The following PUDP variants were observed in gnomAD, a reference collection of about 807,000 sequenced individuals.
PUDP encodes the protein pseudouridine-5'-phosphatase.
PUDP carries 8 observed loss-of-function variants against 9.4 expected under a neutral mutation model. The observed-to-expected ratio is 0.85, with a 90% CI of 0.50 to 1.53. The LOEUF (loss-of-function observed/expected upper bound fraction) is 1.53, where lower values mean the gene tolerates loss of function less well. Among genes scored for constraint, PUDP ranks in the 40% most tolerant of loss-of-function variants. The pLI is 0.00. For synonymous variants in PUDP, 99 were observed against 80.7 expected, an observed-to-expected ratio of 1.23 and a Z score of -1.22; for missense variants, 188 against 189.7, an observed-to-expected ratio of 0.99 and a Z score of 0.05.
At chrX:6,727,078 T>G (rs1315350697) in intron 3 of PUDP, among the ~76,000 whole-genome samples, 1 of 111,717 alleles carries the variant, frequency 9.0e-6, no homozygotes, top group Non-Finnish European at 1.9e-5. Flanking sequence ...TTGAAAATTT[T>G]TTCTTGGGAA....
At chrX:7,045,016 C>T (rs1014063426), downstream of PUDP, among the ~76,000 whole-genome samples, 29 of 112,034 alleles carry the variant, frequency 2.6e-4, 1 homozygote, top group African/African-American at 7.4e-4. Flanking sequence ...CCTGTGGTTT[C>T]GCTCTGTGTC....
At chrX:6,814,249 C>T (rs977880289) in intron 3 of PUDP, among the ~76,000 whole-genome samples, 4 of 111,388 alleles carry the variant, frequency 3.6e-5, no homozygotes, top group African/African-American at 1.3e-4. Context: ...AACATTTTAT[C>T]TGAAACCCTA....
chrX:6,967,906 C>A (rs1476129079), intron 3 of PUDP, among the ~76,000 whole-genome samples: 1 of 112,337 alleles, frequency 8.9e-6, no homozygotes, highest in African/African-American at 3.2e-5. Flanking sequence ...GAGGGTCCCA[C>A]CTCACACCCA....
chrX:6,968,444 G>A (rs765809524), intron 3 of PUDP, among the ~76,000 whole-genome samples: 38 of 111,278 alleles, frequency 3.4e-4, no homozygotes, highest in African/African-American at 1.1e-3. Flanking sequence ...CTGTGGGTCT[G>A]GGGCAGGGGG....
rs556760220 is a variant in PUDP, at chrX:6,918,445, T to C, written c.*247+58688A>G. ...AAGTGAAAATCATCTATCATGAGCT[T>C]TTCTTTGAAATACAAAAAAAAAAAC... On this transcript the variant is annotated intron_variant and NMD_transcript_variant, in intron 3 of 3. Transcript: ENST00000655425. 2.4e-4 allele frequency among the ~76,000 whole-genome samples: 25 copies of C among 104,760 alleles called. No homozygotes were observed. In the South Asian group the frequency reaches 7.3e-3, roughly 31 times the overall value. The allele number at this position is 104,760 out of a possible 115,157, so 91.0% of individuals were successfully genotyped here.
At chrX:6,985,544 T>C (rs1929092137) in intron 1 of PUDP, among the ~76,000 whole-genome samples, 1 of 111,288 alleles carries the variant, frequency 9.0e-6, no homozygotes, top group Non-Finnish European at 1.9e-5. Context: ...CTTCATGCTT[T>C]AAGGCCCAGG....
rs1241172531 is a variant in PUDP, at chrX:6,752,768, C to A, written c.*248-46302G>T. Reference sequence around the variant, plus strand: ...CTGAGATAAGAAACTGAAGGAGAAACTAGGAAGAAGAGGGAAAAGATATTA... The same window carrying A: ...CTGAGATAAGAAACTGAAGGAGAAAATAGGAAGAAGAGGGAAAAGATATTA... On this transcript the variant is annotated intron_variant and NMD_transcript_variant, in intron 3 of 3. Transcript: ENST00000655425. 5.4e-5 allele frequency among the ~76,000 whole-genome samples: 6 copies of A among 110,894 alleles called. No individual in the cohort carries two copies. The East Asian group carries it at 1.7e-3, about 31-fold the overall frequency.
chrX:6,923,848 G>A, intron 3 of PUDP, among the ~76,000 whole-genome samples: 1 of 111,331 alleles, frequency 9.0e-6, no homozygotes, highest in Non-Finnish European at 1.9e-5. Context: ...TGACTCTCAA[G>A]GTCATGCACC....
chrX:7,071,328 T>C (rs1212016479), intron 3 of PUDP, among the ~76,000 whole-genome samples: 1 of 111,472 alleles, frequency 9.0e-6, no homozygotes, highest in Non-Finnish European at 1.9e-5. Context: ...CACCTGGCAC[T>C]TCCTCCTCCC....
intron 1 of PUDP, among the ~76,000 whole-genome samples, chrX:7,129,702 A>G (rs186603185): frequency 4.3e-4 from 48 of 112,262 alleles, no homozygotes; most frequent in Non-Finnish European, 8.3e-4. Flanking sequence ...AACTCTCTGA[A>G]CTTTTATCTT....
chrX:6,753,822 T>G (rs1925136970), intron 3 of PUDP, among the ~76,000 whole-genome samples: 1 of 111,885 alleles, frequency 8.9e-6, no homozygotes, highest in African/African-American at 3.2e-5. Context: ...GATGGAATTG[T>G]TCGTTTTTTT....
intron 1 of PUDP, among the ~76,000 whole-genome samples, chrX:7,002,054 G>A (rs11795952): frequency 0.17 from 18,904 of 110,955 alleles, 1,527 homozygotes; most frequent in Admixed American, 0.32. Context: ...TTTGCAACAC[G>A]TAAGTCACCA....
At chrX:7,139,218 C>T (rs905773436) in intron 1 of PUDP, among the ~76,000 whole-genome samples, 1 of 112,266 alleles carries the variant, frequency 8.9e-6, no homozygotes, top group Admixed American at 9.4e-5. Context: ...CTTTGTAACA[C>T]CCAGCAGAGT....
chrX:7,075,719 G>A (rs1930875905), intron 3 of PUDP, among the ~76,000 whole-genome samples: 1 of 111,508 alleles, frequency 9.0e-6, no homozygotes, highest in Non-Finnish European at 1.9e-5. Flanking sequence ...AGGGTCAGGT[G>A]CCCAGAGAGG....
At position 7,132,870 on chromosome X, in the gene PUDP, C is replaced by A. The variant is rs778787183; in HGVS notation, c.61+15183G>T. 3.6e-5 allele frequency among the ~76,000 whole-genome samples: 4 copies of A among 111,981 alleles called. No homozygotes were observed. The South Asian group carries it at 1.5e-3, about 42-fold the overall frequency. ...CACCCTCATGAGCATCAAAACCCCA[C>A]AGCCACCACTGATCTCACTGCAGGT... On this transcript the variant is annotated intron_variant, in intron 1 of 3. Transcript: ENST00000381077.
intron 3 of PUDP, among the ~76,000 whole-genome samples, chrX:6,772,129 G>A (rs1205202643): frequency 8.9e-6 from 1 of 112,016 alleles, no homozygotes; most frequent in Non-Finnish European, 1.9e-5. Flanking sequence ...TAATCACAGT[G>A]CACATCACTC....
intron 3 of PUDP, among the ~76,000 whole-genome samples, chrX:7,070,344 G>A (rs891391474): frequency 9.0e-6 from 1 of 111,660 alleles, no homozygotes; most frequent in African/African-American, 3.3e-5. Flanking sequence ...TTTGTTCAGC[G>A]ATGATGGGTG....
At chrX:6,901,459 C>T (rs1457690469) in intron 3 of PUDP, among the ~76,000 whole-genome samples, 1 of 112,249 alleles carries the variant, frequency 8.9e-6, no homozygotes, top group Non-Finnish European at 1.9e-5. Flanking sequence ...CACTCCTTAC[C>T]TTGCTATCTT....
At chrX:7,100,375 GGTTCGGCT>G (rs1931697117) in intron 2 of PUDP, among the ~76,000 whole-genome samples, 1 of 111,159 alleles carries the variant, frequency 9.0e-6, no homozygotes, top group African/African-American at 3.3e-5. Flanking sequence ...TACCTCCTTG[GGTTCGGCT>G]GTCGCTCTGA....
Sources: allele counts gnomAD v4.1 joint callset (sites outside exome capture counted in the v4.1 genomes callset), GRCh38; gene constraint gnomAD v4.1.1; transcripts MANE v1.5; gene names NCBI Gene and HGNC (gene_info 2026-07-23, HGNC 2026-07-21).